The following FSTL5 variants were observed in gnomAD, a reference collection of about 807,000 sequenced individuals.
FSTL5 encodes the protein follistatin-related protein 5.
FSTL5 carries 62 observed loss-of-function variants against 89.1 expected under a neutral mutation model. The ratio of observed to expected loss-of-function variants is 0.70; its 90% CI spans 0.57 to 0.86. FSTL5 has a LOEUF of 0.86. Ranked by LOEUF, FSTL5 falls within the 40% of genes least tolerant of loss-of-function variation. The pLI, the probability that FSTL5 is intolerant of heterozygous loss-of-function variation, is 0.00. For synonymous variants in FSTL5, 383 were observed against 346.2 expected (o/e 1.11, Z -1.18); for missense variants, 1,057 against 1,001.6 (o/e 1.06, Z -0.75).
At chr4:161,947,897 C>A (rs1043866491) in intron 3 of FSTL5, among the ~76,000 whole-genome samples, 2 of 150,336 alleles carry the variant, frequency 1.3e-5, no homozygotes, top group Admixed American at 1.3e-4. Context: ...CATAGAGAGA[C>A]CTTTTAACAG....
intron 4 of FSTL5, among the ~76,000 whole-genome samples, chr4:161,857,802 CT>C (rs1377942143): frequency 1.3e-5 from 2 of 152,042 alleles, no homozygotes; most frequent in Non-Finnish European, 2.9e-5. Context: ...TTCCTTGTCT[CT>C]TTTTTTCCCC....
intron 3 of FSTL5, among the ~76,000 whole-genome samples, chr4:162,003,621 G>GA (rs1207422157): frequency 6.6e-5 from 10 of 152,110 alleles, no homozygotes; most frequent in Admixed American, 2.0e-4. Flanking sequence ...GATGAAAATA[G>GA]AAAAAAATGT....
intron 2 of FSTL5, among the ~76,000 whole-genome samples, chr4:162,055,216 C>A (rs889776027): frequency 6.6e-6 from 1 of 151,490 alleles, no homozygotes; most frequent in Non-Finnish European, 1.5e-5. Context: ...AGAGTTTTGC[C>A]TGGTTGTGAG....
chr4:161,452,785 TATAA>T (rs10586807), intron 15 of FSTL5, among the ~76,000 whole-genome samples: 45,676 of 151,770 alleles, frequency 0.3, 7,464 homozygotes, highest in Non-Finnish European at 0.37. Flanking sequence ...ATTAAATACG[TATAA>T]ATAAAGTAGT....
chr4:161,411,306 AAGG>A (rs1419365977), intron 15 of FSTL5, among the ~76,000 whole-genome samples: 1 of 152,128 alleles, frequency 6.6e-6, no homozygotes, highest in Non-Finnish European at 1.5e-5. Context: ...AACAATTGAG[AAGG>A]AGGAGTTCCT....
chr4:161,725,551 CATACTTTTGAAAAAAT>C (rs1739367138), intron 6 of FSTL5, among the ~76,000 whole-genome samples: 1 of 151,346 alleles, frequency 6.6e-6, no homozygotes, highest in African/African-American at 2.4e-5. Flanking sequence ...TTAACATAAA[CATACTTTTGAAAAAAT>C]ATATTTTCTT....
rs987298049 is a variant in FSTL5, at chr4:161,868,279, T to C, written c.409+52125A>G. The stretch of plus-strand genomic sequence containing the variant: ...TTTGCTCTCTTGAGCCTTTCCTCTT[T>C]TTATTTTTTCCTGGCTTTCTATTTA... On this transcript the variant is annotated intron_variant, in intron 4 of 15. Transcript: ENST00000306100. Among the ~76,000 whole-genome samples the C allele has an allele frequency of 3.3e-5, 5 of 152,216 alleles. 1 individual carries two copies. The highest frequency in any genetic ancestry group is 1.2e-4 in the African/African-American group (5 of 41,462).
chr4:161,497,927 A>G (rs1350540626), intron 12 of FSTL5, among the ~76,000 whole-genome samples: 1 of 151,892 alleles, frequency 6.6e-6, no homozygotes, highest in Non-Finnish European at 1.5e-5. Flanking sequence ...TCAGAAAATT[A>G]TACATAGTTT....
At chr4:161,813,866 T>C (rs1417413252) in intron 4 of FSTL5, among the ~76,000 whole-genome samples, 3 of 152,186 alleles carry the variant, frequency 2.0e-5, no homozygotes, top group African/African-American at 7.2e-5. Flanking sequence ...GTACAAAGTA[T>C]ATTTTATAAT....
At chr4:161,663,719 C>G (rs1736793407) in intron 6 of FSTL5, among the ~76,000 whole-genome samples, 1 of 152,200 alleles carries the variant, frequency 6.6e-6, no homozygotes, top group South Asian at 2.1e-4. Context: ...TACAGCTCCA[C>G]TAGGCAGTGG....
intron 6 of FSTL5, among the ~76,000 whole-genome samples, chr4:161,700,695 T>C (rs1351236469): frequency 2.0e-5 from 3 of 152,110 alleles, no homozygotes; most frequent in African/African-American, 7.2e-5. Context: ...AATTTTCTTA[T>C]CTGCTGCAGA....
At chr4:162,104,387 G>A (rs997211229) in intron 2 of FSTL5, among the ~76,000 whole-genome samples, 4 of 152,160 alleles carry the variant, frequency 2.6e-5, no homozygotes, top group Admixed American at 6.6e-5. Flanking sequence ...CACGAGGCTT[G>A]CCACCATCTT....
At chr4:161,794,088 A>C (rs1309216262) in intron 4 of FSTL5, among the ~76,000 whole-genome samples, 1 of 152,160 alleles carries the variant, frequency 6.6e-6, no homozygotes, top group African/African-American at 2.4e-5. Context: ...GAATGAGAAA[A>C]TAGGTCTCTC....
intron 5 of FSTL5, among the ~76,000 whole-genome samples, chr4:161,768,849 C>A (rs1420971761): frequency 6.6e-6 from 1 of 151,086 alleles, no homozygotes; most frequent in Non-Finnish European, 1.5e-5. Flanking sequence ...AAAATTAGAA[C>A]AGAAATAAAT....
intron 4 of FSTL5, among the ~76,000 whole-genome samples, chr4:161,831,970 C>T (rs1463873061): frequency 2.0e-5 from 3 of 151,924 alleles, no homozygotes; most frequent in Admixed American, 6.6e-5. Flanking sequence ...TAATAAGAGA[C>T]ATTGACCAGT....
Position 161,549,344 on chromosome 4 carries a change from A to C in FSTL5, c.1016-6651T>G, listed in dbSNP as rs1050187806. 3.3e-5 allele frequency among the ~76,000 whole-genome samples: 5 copies of C among 151,946 alleles called. No individual in the cohort carries two copies. The South Asian group carries it at 8.3e-4, about 25-fold the overall frequency. On this transcript the variant is annotated intron_variant, in intron 8 of 15. Coordinates refer to ENST00000306100, the MANE Select transcript of FSTL5 (RefSeq NM_020116.5). ...AGAGTTGTATATTGCAAAGCAATAT[A>C]TATTGTAAAACAATATATATCAGAC...
At chr4:161,731,654 A>G (rs1739616559) in intron 6 of FSTL5, among the ~76,000 whole-genome samples, 1 of 151,972 alleles carries the variant, frequency 6.6e-6, no homozygotes. Flanking sequence ...GTAGTTCTTT[A>G]TAGCACTATG....
intron 6 of FSTL5, among the ~76,000 whole-genome samples, chr4:161,663,251 T>C (rs528470827): frequency 6.6e-6 from 1 of 152,172 alleles, no homozygotes; most frequent in African/African-American, 2.4e-5. Context: ...CCCAAAGTCT[T>C]ATTTCAGTAT....
intron 4 of FSTL5, among the ~76,000 whole-genome samples, chr4:161,838,896 A>G (rs1430539347): frequency 6.9e-6 from 1 of 144,284 alleles, no homozygotes; most frequent in Non-Finnish European, 1.5e-5. Context: ...TCTGAACGCA[A>G]TGGAATTATT....
Sources: gnomAD v4.1 joint callset for allele counts (sites outside exome capture counted in the v4.1 genomes callset) on GRCh38, gnomAD v4.1.1 for gene constraint, MANE v1.5 for transcripts, NCBI Gene and HGNC (gene_info 2026-07-23, HGNC 2026-07-21) for gene names.